The following PCCA variants were observed in gnomAD, a reference collection of about 807,000 sequenced individuals.
PCCA encodes propionyl-CoA carboxylase subunit alpha, also known as propionyl-CoA carboxylase alpha chain, mitochondrial.
Under a neutral mutation model 101.3 loss-of-function variants are expected in PCCA, and 74 were observed. That is an observed-to-expected ratio of 0.73 (90% CI 0.61 to 0.89). The LOEUF is 0.89. PCCA is among the 40% of genes least tolerant of loss of function. The probability of loss-of-function intolerance (pLI) is 0.00; values close to 1 mark genes in which losing one functional copy is unlikely to be tolerated. For synonymous variants in PCCA, 294 were observed against 313.6 expected (o/e 0.94, Z 0.66); for missense variants, 891 against 907.0 (o/e 0.98, Z 0.23).
intron 18 of PCCA, among the ~76,000 whole-genome samples, chr13:100,354,361 G>A (rs1473894193): frequency 1.5e-5 from 2 of 137,652 alleles, no homozygotes; most frequent in East Asian, 4.8e-4. Context: ...GAGGGAGGGA[G>A]GGAGGGAAGG....
At chr13:100,285,380 G>T (rs191111421) in intron 12 of PCCA, among the ~76,000 whole-genome samples, 2 of 152,132 alleles carry the variant, frequency 1.3e-5, no homozygotes, top group Non-Finnish European at 2.9e-5. Context: ...AGAGAGAGCC[G>T]GGATAGCTCT....
At chr13:100,451,594 G>A (rs1389936663) in intron 21 of PCCA, among the ~76,000 whole-genome samples, 1 of 151,902 alleles carries the variant, frequency 6.6e-6, no homozygotes, top group Non-Finnish European at 1.5e-5. Flanking sequence ...TCATGTATCG[G>A]AAACTGAGCT....
intron 19 of PCCA, among the ~76,000 whole-genome samples, chr13:100,402,678 AG>A: frequency 6.6e-6 from 1 of 152,270 alleles, no homozygotes; most frequent in Admixed American, 6.5e-5. Flanking sequence ...ATTCAGAGCA[AG>A]GAAAGACCCA....
At chr13:100,484,087 T>C (rs539441076) in intron 21 of PCCA, among the ~76,000 whole-genome samples, 3 of 152,340 alleles carry the variant, frequency 2.0e-5, no homozygotes, top group South Asian at 4.1e-4. Flanking sequence ...TGCACTATAA[T>C]ATAATGTTTA....
At position 100,150,820 on chromosome 13, in the gene PCCA, T is replaced by C. The variant is rs1050621659; in HGVS notation, c.301-4159T>C. 29 of 1,584,606 alleles carry C rather than the reference T, an allele frequency of 1.8e-5. No homozygotes were observed. In the East Asian group the frequency reaches 2.2e-4, roughly 12 times the overall value. On this transcript the variant is annotated intron_variant, in intron 4 of 23. Transcript: ENST00000376285. ...CGGACTGAAGGCTTGGAGCAAACTT[T>C]AGCTGGTTAACACCATGATGGACAG...
At chr13:100,441,320 T>C (rs1018635830) in intron 20 of PCCA, among the ~76,000 whole-genome samples, 2 of 152,202 alleles carry the variant, frequency 1.3e-5, no homozygotes, top group African/African-American at 4.8e-5. Context: ...CTTTAAAACA[T>C]ATTACCAAGT....
chr13:100,166,863 G>A lies in PCCA; in HGVS notation c.468+9523G>A, dbSNP rs531787576. Among the ~76,000 whole-genome samples the A allele has an allele frequency of 1.2e-4, 18 of 152,036 alleles. 1 individual carries two copies. Among genetic ancestry groups the A allele is most frequent in the African/African-American group, 4.3e-4 (18 of 41,488 alleles). On this transcript the variant is annotated intron_variant, in intron 6 of 23. Coordinates refer to ENST00000376285, the MANE Select transcript of PCCA (RefSeq NM_000282.4). ...CTCGTTGGTACAATTTTACATTTCC[G>A]CCAACAATGTATGAGTGTACTAGTT...
intron 19 of PCCA, among the ~76,000 whole-genome samples, chr13:100,398,461 T>C (rs947385969): frequency 3.3e-5 from 5 of 152,196 alleles, no homozygotes; most frequent in African/African-American, 1.2e-4. Context: ...TAGCATTCTG[T>C]ATGTATCATT....
At chr13:100,187,690 T>A (rs2057400622) in intron 6 of PCCA, among the ~76,000 whole-genome samples, 1 of 152,222 alleles carries the variant, frequency 6.6e-6, no homozygotes. Context: ...AAAAAACTTA[T>A]TTTAAGTTCA....
At chr13:100,172,118 T>C (rs547226837) in intron 6 of PCCA, among the ~76,000 whole-genome samples, 1 of 151,716 alleles carries the variant, frequency 6.6e-6, no homozygotes, top group South Asian at 2.1e-4. Context: ...GGAGGATTGC[T>C]TGAGCCCAGG....
At chr13:100,366,393 C>T (rs556424346) in intron 18 of PCCA, among the ~76,000 whole-genome samples, 2 of 152,246 alleles carry the variant, frequency 1.3e-5, no homozygotes, top group South Asian at 4.2e-4. Flanking sequence ...AGACACTCCT[C>T]ACAGTCTTTT....
At chr13:100,134,229 T>A (rs2152329614) in intron 4 of PCCA, among the ~76,000 whole-genome samples, 1 of 152,288 alleles carries the variant, frequency 6.6e-6, no homozygotes. Context: ...GGGGTGATAT[T>A]TGGATGGGTT....
intron 15 of PCCA, among the ~76,000 whole-genome samples, chr13:100,309,377 A>G (rs1277250409): frequency 6.6e-6 from 1 of 152,232 alleles, no homozygotes; most frequent in Non-Finnish European, 1.5e-5. Flanking sequence ...AGCCTGGGCA[A>G]TAGAGCGAGA....
chr13:100,367,098 T>A (rs1158101639), intron 18 of PCCA, among the ~76,000 whole-genome samples: 2 of 152,210 alleles, frequency 1.3e-5, no homozygotes, highest in East Asian at 3.8e-4. Context: ...TGATGTTTAG[T>A]ACTTGGTAAA....
At chr13:100,093,725 G>A (rs1341632111) in intron 1 of PCCA, among the ~76,000 whole-genome samples, 1 of 151,044 alleles carries the variant, frequency 6.6e-6, no homozygotes, top group African/African-American at 2.4e-5. Flanking sequence ...ACCAGCCTAG[G>A]CAACATAATG....
chr13:100,247,021 G>A (rs995082045), intron 8 of PCCA, among the ~76,000 whole-genome samples: 4 of 151,210 alleles, frequency 2.6e-5, no homozygotes, highest in Non-Finnish European at 5.9e-5. Context: ...TGATTCTCCT[G>A]TCTCAGCCTC....
intron 4 of PCCA, chr13:100,151,242 G>A: frequency 1.7e-6 from 1 of 575,072 alleles, no homozygotes; most frequent in Non-Finnish European, 3.0e-6. Context: ...GGCTCATACG[G>A]GTAATAGTTG....
At chr13:100,155,236 G>A (rs1314607475) in intron 5 of PCCA, 144 bp downstream of exon 5, 4 of 670,522 alleles carry the variant, frequency 6.0e-6, no homozygotes, top group Non-Finnish European at 1.1e-5. Context: ...AAATGTGGTC[G>A]AATTCGCTAC....
chr13:100,341,957 G>A (rs971956442), intron 18 of PCCA, among the ~76,000 whole-genome samples: 6 of 107,148 alleles, frequency 5.6e-5, no homozygotes, highest in African/African-American at 1.7e-4. Context: ...ACCCTTCAAA[G>A]TATATATATA....
Sources: allele counts gnomAD v4.1 joint callset (sites outside exome capture counted in the v4.1 genomes callset), GRCh38; gene constraint gnomAD v4.1.1; transcripts MANE v1.5; gene names NCBI Gene and HGNC (gene_info 2026-07-23, HGNC 2026-07-21).